Variants in PLXNB3 observed in about 807,000 individuals in gnomAD.
PLXNB3 encodes the protein plexin B3, also known as plexin-B3.
In PLXNB3, 80 loss-of-function variants were observed where a neutral mutation model predicts 125.7. The observed-to-expected ratio is 0.64, with a 90% confidence interval of 0.53 to 0.77. The LOEUF is 0.77. Among genes scored for constraint, PLXNB3 ranks in the 30% least tolerant of loss-of-function variants. The pLI is 0.00. For synonymous variants in PLXNB3, 954 were observed against 783.3 expected (o/e 1.22, Z -3.64); for missense variants, 1,836 against 1,729.3 (o/e 1.06, Z -1.09).
At chrX:153,766,110 C>G (rs1000553617) in intron 2 of PLXNB3, 2 of 1,076,412 alleles carry the variant, frequency 1.9e-6, no homozygotes, top group African/African-American at 3.8e-5. Context: ...CAGGCCTCCC[C>G]GCACCCCTGA....
intron 26 of PLXNB3, 31 bp downstream of exon 26, chrX:153,775,691 CCT>C: frequency 1.7e-6 from 2 of 1,181,941 alleles, no homozygotes; most frequent in African/African-American, 3.5e-5. Flanking sequence ...TGCTCCCAGC[CCT>C]GAGTGGCAGA....
intron 29 of PLXNB3, 61 bp from the exon 30 acceptor site, chrX:153,777,147 C>A: frequency 9.2e-7 from 1 of 1,092,766 alleles, no homozygotes; most frequent in Non-Finnish European, 1.2e-6. Context: ...GGGGAGTGGA[C>A]TGGGCATCCC....
rs782463978 is a variant in PLXNB3 at position 153,774,126 on chromosome X, C to A, written c.3519+28C>A. 3.3e-6 allele frequency: 4 copies of A among 1,196,917 alleles called. No homozygotes were observed. In the South Asian group the frequency reaches 7.2e-5, roughly 21 times the overall value. ...GAGGGCCACCTTCAACCCTGCCCCG[C>A]CACGGTGCTCAGGCCGCCTCTGTGG... On this transcript the variant is annotated intron_variant, in intron 20 of 35. Coordinates refer to ENST00000361971, the MANE Select transcript of PLXNB3 (RefSeq NM_005393.3).
chrX:153,766,224 C>T, intron 2 of PLXNB3: 1 of 1,164,202 alleles, frequency 8.6e-7, no homozygotes, highest in Non-Finnish European at 1.1e-6. Flanking sequence ...GAGCTCACCC[C>T]TGCCTCTTCG....
chrX:153,774,511 G>A lies in PLXNB3; in HGVS notation c.3770G>A (p.Gly1257Asp), dbSNP rs1471186672. The change falls in exon 22 of 36, where the codon GGC becomes GAC. Residue 1257 changes from glycine to aspartate, a missense_variant. Physicochemically the swap from Gly to Asp is moderately conservative, Grantham distance 94. Coordinates refer to ENST00000361971, the MANE Select transcript of PLXNB3 (RefSeq NM_005393.3). ...GCCTTTCCCGTGGAGGCCCAGGCAGGCGTGGGCATGGGTGCTGCAGTGCTG... is the reference window on the plus strand; with the variant it reads ...GCCTTTCCCGTGGAGGCCCAGGCAGACGTGGGCATGGGTGCTGCAGTGCTG... The part of the protein sequence containing the change: ...LSAFPVEAQA[G>D]VGMGAAVLIA... 1 of 1,207,520 alleles carries A rather than the reference G, an allele frequency of 8.3e-7. No homozygotes were observed. The highest frequency in any genetic ancestry group is 1.1e-6 in the Non-Finnish European group (1 of 894,011).
chrX:153,766,240 T>G (rs922698718), intron 2 of PLXNB3: 28 of 1,164,496 alleles, frequency 2.4e-5, no homozygotes, highest in Non-Finnish European at 3.0e-5. Flanking sequence ...CTTCGCTGAC[T>G]TGCTCCTTGC....
At position 153,770,079 on chromosome X, in the gene PLXNB3, C is replaced by G. The variant is rs377741691; in HGVS notation, c.1630-13C>G. ...CTGGCTACATCTCCCGGTTTCTCCCCGCTGCATCCCAGGTCACTTTGTCTG... is the reference window on the plus strand; with the variant it reads ...CTGGCTACATCTCCCGGTTTCTCCCGGCTGCATCCCAGGTCACTTTGTCTG... On this transcript the variant is annotated splice_polypyrimidine_tract_variant and intron_variant, in intron 7 of 35. Transcript: ENST00000361971. The G allele has an allele frequency of 2.5e-6, 3 of 1,209,048 alleles. No homozygotes were observed. Among genetic ancestry groups the G allele is most frequent in the Admixed American group, 4.3e-5 (2 of 46,000 alleles).
Position 153,776,357 on chromosome X carries a change from G to A in PLXNB3, c.4731G>A (p.Glu1577=). The A allele has an allele frequency of 8.4e-7, 1 of 1,186,111 alleles. No homozygotes were observed. Among genetic ancestry groups the A allele is most frequent in the Non-Finnish European group, 1.1e-6 (1 of 877,187 alleles). ...ATCTGCTTCCCTGACTCCCTCCAGA[G>A]TGGCGCTCAGGCCTGGCTGGTCACC... ...QRPSVHALDL[E]WRSGLAGHLT... is the part of the protein sequence containing the mutation. Residue 1577 remains glutamate, a splice_region_variant and synonymous_variant, in exon 28 of 36, where the codon GAG becomes GAA. Transcript: ENST00000361971.
chrX:153,778,254 G>A lies in PLXNB3; in HGVS notation c.5410-7G>A, dbSNP rs1346990740. On this transcript the variant is annotated splice_region_variant and splice_polypyrimidine_tract_variant and intron_variant, in intron 32 of 35. Coordinates refer to ENST00000361971, the MANE Select transcript of PLXNB3 (RefSeq NM_005393.3). ...CATGCCTAGCGCCTCCCCTCCCTCC[G>A]GAGCAGGATTCCCCAGTGAACAAAC... The A allele has an allele frequency of 4.2e-6, 5 of 1,196,835 alleles. No individual in the cohort carries two copies. The highest frequency in any genetic ancestry group is 3.0e-5 in the East Asian group (1 of 33,569).
At chrX:153,776,692 G>A (rs1390704940) in intron 28 of PLXNB3, among the ~76,000 whole-genome samples, 195 bp from the exon 29 acceptor site, 35 of 16,361 alleles carry the variant, frequency 2.1e-3, no homozygotes, top group African/African-American at 0.012. Context: ...GGGCGAGGCA[G>A]GGCGGGGCTG....
chrX:153,769,062 C>G lies in PLXNB3; in HGVS notation c.1381C>G (p.Leu461Val). 8.3e-7 allele frequency: 1 copy of G among 1,209,845 alleles called. No homozygotes were observed. The highest frequency in any genetic ancestry group is 1.1e-6 in the Non-Finnish European group (1 of 894,092). The change falls in exon 5 of 36, where the codon CTG becomes GTG. Residue 461 changes from leucine to valine, a missense_variant. Coordinates refer to ENST00000361971, the MANE Select transcript of PLXNB3 (RefSeq NM_005393.3). Reference sequence around the variant, plus strand: ...CAGCAGTGGCAGTCACCTCTATGTCCTGACTGCCCACCAGGTGAGGGCCAT... The same window carrying G: ...CAGCAGTGGCAGTCACCTCTATGTCGTGACTGCCCACCAGGTGAGGGCCAT... ...LDSSGSHLYV[L>V]TAHQVDRIPV...
chrX:153,765,784 C>T (rs889848189), intron 2 of PLXNB3: 1 of 753,216 alleles, frequency 1.3e-6, no homozygotes, highest in Non-Finnish European at 1.6e-6. Flanking sequence ...TTCCTCCAGG[C>T]GCTGCTCTGC....
chrX:153,767,945 T>G (rs1557059985), intron 3 of PLXNB3, 32 bp downstream of exon 3: 1 of 1,073,186 alleles, frequency 9.3e-7, no homozygotes, highest in African/African-American at 1.9e-5. Flanking sequence ...CCCCCCTCTC[T>G]GTGGATGGCT....
chrX:153,772,793 G>A, intron 16 of PLXNB3, 93 bp from the exon 17 acceptor site: 1 of 1,042,441 alleles, frequency 9.6e-7, no homozygotes, highest in Non-Finnish European at 1.2e-6. Flanking sequence ...GAGATGACCT[G>A]CGCTTCAGAA....
rs782417459 is a variant in PLXNB3 at position 153,770,433 on chromosome X, G to A, written c.1882G>A (p.Glu628Lys). The A allele has an allele frequency of 8.3e-7, 1 of 1,209,069 alleles. No individual in the cohort carries two copies. The highest frequency in any genetic ancestry group is 1.1e-6 in the Non-Finnish European group (1 of 893,747). The change falls in exon 9 of 36, where the codon GAG (glutamate) becomes AAG (lysine). Residue 628 changes from glutamate to lysine, a missense_variant. Transcript: ENST00000361971. ...FYDCSAVQAL[E>K]AAAPCRACVG... ...TGACTGCAGTGCCGTCCAGGCCTTG[G>A]AGGCGGCTGCCCCGTGAGTCCCTGG...
In PLXNB3 at chrX:153,770,268, G is replaced by C; in HGVS notation, c.1786+20G>C. Reference sequence around the variant, plus strand: ...GCACAGGTGAGTGGCCCATGGGGTAGGGGGCTGGGATGGAGGCTGGAGGGG... The same window carrying C: ...GCACAGGTGAGTGGCCCATGGGGTACGGGGCTGGGATGGAGGCTGGAGGGG... On this transcript the variant is annotated intron_variant, in intron 8 of 35. Coordinates refer to ENST00000361971, the MANE Select transcript of PLXNB3 (RefSeq NM_005393.3). The C allele has an allele frequency of 8.3e-7, 1 of 1,209,300 alleles. No individual in the cohort carries two copies. The highest frequency in any genetic ancestry group is 1.1e-6 in the Non-Finnish European group (1 of 894,265).
At position 153,766,111 on chromosome X, in the gene PLXNB3, G is replaced by A. The variant is rs181191565; in HGVS notation, c.45+531G>A. ...CCATGGGGCAGGAGCAGGCCTCCCC[G>A]CACCCCTGAAGCCTGTGTTGTCTCT... On this transcript the variant is annotated intron_variant, in intron 2 of 35. Coordinates refer to ENST00000361971, the MANE Select transcript of PLXNB3 (RefSeq NM_005393.3). The A allele has an allele frequency of 7.3e-4, 781 of 1,072,826 alleles. 1 individual carries two copies. The Middle Eastern group carries it at 9.9e-3, about 14-fold the overall frequency. 88.4% of individuals were successfully genotyped at this position (1,072,826 alleles called of 1,213,427 possible).
intron 19 of PLXNB3, 61 bp downstream of exon 19, chrX:153,773,774 G>A: frequency 8.4e-7 from 1 of 1,189,052 alleles, no homozygotes; most frequent in South Asian, 1.8e-5. Flanking sequence ...CCAGTGGGGA[G>A]GAGGAGGGTA....
chrX:153,776,953 C>T lies in PLXNB3; in HGVS notation c.4900C>T (p.Leu1634=). ...LHRGSTISQS[L]AQRCPLGENI... is the part of the protein sequence containing the mutation. Reference sequence around the variant, plus strand: ...CCGTGGCAGCACCATCTCCCAGAGCCTGGCCCAGAGGTGCCCCTTGGGAGA... The same window carrying T: ...CCGTGGCAGCACCATCTCCCAGAGCTTGGCCCAGAGGTGCCCCTTGGGAGA... Residue 1634 remains leucine (L), a synonymous_variant, in exon 29 of 36, where the codon CTG becomes TTG. Transcript: ENST00000361971. 1.7e-6 allele frequency: 2 copies of T among 1,194,177 alleles called. No homozygotes were observed. Among genetic ancestry groups the T allele is most frequent in the Non-Finnish European group, 2.3e-6 (2 of 884,304 alleles).
Sources: allele counts gnomAD v4.1 joint callset (sites outside exome capture counted in the v4.1 genomes callset), GRCh38; gene constraint gnomAD v4.1.1; transcripts MANE v1.5; gene names NCBI Gene and HGNC (gene_info 2026-07-23, HGNC 2026-07-21).